MCTP1: variants seen among roughly 807,000 people sequenced by gnomAD.
MCTP1 encodes multiple C2 and transmembrane domain containing 1, also known as multiple C2 and transmembrane domain-containing protein 1.
In MCTP1, 69 loss-of-function variants were observed where a neutral mutation model predicts 120.6. The observed-to-expected ratio is 0.57, with a 90% confidence interval of 0.47 to 0.70. The LOEUF is 0.70. Ranked by LOEUF, MCTP1 falls within the 30% of genes least tolerant of loss-of-function variation. MCTP1 has a pLI of 0.00. For missense variants in MCTP1, 1,203 were observed against 1,248.8 expected (o/e 0.96, Z 0.55); for synonymous variants, 529 against 493.1 (o/e 1.07, Z -0.96).
At chr5:94,899,756 C>T (rs1414385946) in intron 10 of MCTP1, among the ~76,000 whole-genome samples, 1 of 152,202 alleles carries the variant, frequency 6.6e-6, no homozygotes, top group African/African-American at 2.4e-5. Context: ...GATGCACCTG[C>T]TAAGCAACCA....
intron 1 of MCTP1, among the ~76,000 whole-genome samples, chr5:95,122,049 A>G (rs545245394): frequency 1.3e-5 from 2 of 152,234 alleles, no homozygotes; most frequent in South Asian, 4.1e-4. Context: ...AATTACTAAA[A>G]GAAAACATTG....
At position 95,284,672 on chromosome 5, in the gene MCTP1, C is replaced by CTGGGGG; in HGVS notation, c.-98_-97insCCCCCA. ...CACCTCCTCCCGGGTCCCCGCGGCG[C>CTGGGGG]TGGCGGTGGCGGCGGCGGCGGCGGC... On this transcript the variant is annotated 5_prime_UTR_variant, in exon 1 of 23. Coordinates refer to ENST00000515393, the MANE Select transcript of MCTP1 (RefSeq NM_024717.7). The surrounding 1 kb of genome is among the most constrained non-coding windows in gnomAD (Gnocchi z 5.2). The CTGGGGG allele has an allele frequency of 1.8e-6, 2 of 1,101,072 alleles. No individual in the cohort carries two copies. Among genetic ancestry groups the CTGGGGG allele is most frequent in the South Asian group, 2.0e-5 (1 of 50,862 alleles). 68.2% of individuals were successfully genotyped at this position (1,101,072 alleles called of 1,614,324 possible).
At chr5:94,805,681 T>C (rs1313134152) in intron 17 of MCTP1, among the ~76,000 whole-genome samples, 3 of 151,774 alleles carry the variant, frequency 2.0e-5, no homozygotes, top group South Asian at 2.1e-4. Context: ...TCATATCATA[T>C]TGCACAGAGA....
intron 2 of MCTP1, among the ~76,000 whole-genome samples, chr5:94,981,116 G>A (rs1025132097): frequency 1.3e-5 from 2 of 152,096 alleles, no homozygotes; most frequent in South Asian, 2.1e-4. Context: ...AGACAAAGAC[G>A]GCAGATATAG....
chr5:95,250,157 TA>T (rs139955421), intron 1 of MCTP1, among the ~76,000 whole-genome samples: 22,765 of 151,966 alleles, frequency 0.15, 1,861 homozygotes, highest in Non-Finnish European at 0.19. Context: ...AAAAGTATAA[TA>T]AAAAAATAAT....
At chr5:95,169,135 C>G (rs181307005) in intron 1 of MCTP1, among the ~76,000 whole-genome samples, 138 of 152,308 alleles carry the variant, frequency 9.1e-4, no homozygotes, top group African/African-American at 3.1e-3. Context: ...AAGGCCTTTT[C>G]TGCATCTTTT....
chr5:95,033,624 C>T (rs1840694034), intron 1 of MCTP1, among the ~76,000 whole-genome samples: 2 of 152,156 alleles, frequency 1.3e-5, no homozygotes, highest in South Asian at 4.2e-4. Context: ...TAACATCACA[C>T]TGAATGGGCA....
chr5:94,931,153 G>A (rs887067432), intron 6 of MCTP1: 4 of 151,910 alleles, frequency 2.6e-5, no homozygotes, highest in Admixed American at 1.3e-4. Context: ...TTAAAGAAAA[G>A]CTTAGGTAAA....
At chr5:94,904,999 CAG>C (rs1048920462) in intron 10 of MCTP1, among the ~76,000 whole-genome samples, 94 of 152,260 alleles carry the variant, frequency 6.2e-4, no homozygotes, top group African/African-American at 2.2e-3. Context: ...TGGAGAAAAA[CAG>C]AGCAGAATAG....
chr5:95,250,426 T>G (rs1028426339), intron 1 of MCTP1, among the ~76,000 whole-genome samples: 1 of 152,188 alleles, frequency 6.6e-6, no homozygotes, highest in South Asian at 2.1e-4. Context: ...TACATGAAAC[T>G]GTGGTGGCTA....
rs568534857 is a variant in MCTP1 at position 94,941,112 on chromosome 5, T to G, written c.1062-917A>C. On this transcript the variant is annotated intron_variant, in intron 4 of 22. Coordinates refer to ENST00000515393, the MANE Select transcript of MCTP1 (RefSeq NM_024717.7). ...ACCATTTAAAATTATTTTTCACCGA[T>G]GATTTATCTTTCATAGGAAACAAGA... is the stretch of plus-strand genomic sequence containing the variant. Among the ~76,000 whole-genome samples, 11 of 152,192 alleles carry G rather than the reference T, an allele frequency of 7.2e-5. No homozygotes were observed. In the East Asian group the frequency reaches 1.9e-3, roughly 27 times the overall value.
chr5:95,039,301 G>A (rs943900839), intron 1 of MCTP1, among the ~76,000 whole-genome samples: 1 of 152,124 alleles, frequency 6.6e-6, no homozygotes, highest in Admixed American at 6.5e-5. Flanking sequence ...GAAAAGTTCT[G>A]GACAGTTGTT....
chr5:94,858,279 G>C (rs1249654659), intron 17 of MCTP1, among the ~76,000 whole-genome samples: 1 of 151,506 alleles, frequency 6.6e-6, no homozygotes, highest in African/African-American at 2.4e-5. Flanking sequence ...TAAACACACA[G>C]TGAACTCTTC....
At chr5:95,003,702 G>A (rs1834146527) in intron 2 of MCTP1, among the ~76,000 whole-genome samples, 1 of 152,288 alleles carries the variant, frequency 6.6e-6, no homozygotes, top group South Asian at 2.1e-4. Flanking sequence ...ATGACTGTGA[G>A]TTTCCTGAAG....
At chr5:95,052,251 A>G (rs1314485165) in intron 1 of MCTP1, among the ~76,000 whole-genome samples, 1 of 152,156 alleles carries the variant, frequency 6.6e-6, no homozygotes, top group Admixed American at 6.6e-5. Context: ...TTAAACAGGT[A>G]TTTCTCAAAA....
intron 1 of MCTP1, among the ~76,000 whole-genome samples, chr5:95,162,029 G>C (rs1745796101): frequency 1.3e-5 from 2 of 152,168 alleles, no homozygotes; most frequent in Non-Finnish European, 2.9e-5. Context: ...GAGTTCAGGA[G>C]AATGGTCTGC....
intron 1 of MCTP1, among the ~76,000 whole-genome samples, chr5:95,023,051 G>C (rs2153678964): frequency 6.6e-6 from 1 of 152,214 alleles, no homozygotes; most frequent in Non-Finnish European, 1.5e-5. Flanking sequence ...TCATCAAAAA[G>C]CGCATCACTA....
chr5:95,138,151 GAGA>G (rs1940117397), intron 1 of MCTP1, among the ~76,000 whole-genome samples: 1 of 151,516 alleles, frequency 6.6e-6, no homozygotes, highest in African/African-American at 2.4e-5. Flanking sequence ...ATTCTCCCAG[GAGA>G]AGAACTGTGC....
intron 19 of MCTP1, among the ~76,000 whole-genome samples, chr5:94,766,097 A>T (rs1772634403): frequency 6.6e-6 from 1 of 152,160 alleles, no homozygotes; most frequent in South Asian, 2.1e-4. Flanking sequence ...ACACAAAAAA[A>T]TTAGCTGGGC....
Sources: gnomAD v4.1 joint callset for allele counts (sites outside exome capture counted in the v4.1 genomes callset) on GRCh38, gnomAD v4.1.1 for gene constraint, Gnocchi (gnomAD v3.1) non-coding constraint, MANE v1.5 for transcripts, NCBI Gene and HGNC (gene_info 2026-07-23, HGNC 2026-07-21) for gene names.